Variants in DMD observed in about 807,000 individuals in gnomAD.
DMD encodes mutant dystrophin.
Under a neutral mutation model 330.1 loss-of-function variants are expected in DMD, and 63 were observed. The observed-to-expected ratio is 0.19, with a 90% CI of 0.16 to 0.24. DMD has a LOEUF of 0.24. Ranked by LOEUF, DMD falls within the 10% of genes least tolerant of loss-of-function variation. The pLI, the probability that DMD is intolerant of heterozygous loss-of-function variation, is 1.00. For synonymous variants in DMD, 1,223 were observed against 959.8 expected, an observed-to-expected ratio of 1.27 and a Z score of -5.07; for missense variants, 3,344 against 2,684.1, an observed-to-expected ratio of 1.25 and a Z score of -5.43.
At chrX:32,819,151 C>T (rs2078013921) in intron 5 of DMD, among the ~76,000 whole-genome samples, 1 of 109,368 alleles carries the variant, frequency 9.1e-6, no homozygotes, top group African/African-American at 3.3e-5. Flanking sequence ...TAGGAATAAT[C>T]TTATATGGTA....
rs190079233 is a variant in DMD, at chrX:32,081,899, A to T, written c.6439-113385T>A. Among the ~76,000 whole-genome samples, 66 of 111,126 alleles carry T rather than the reference A, an allele frequency of 5.9e-4. 1 individual carries two copies. Among genetic ancestry groups the T allele is most frequent in the African/African-American group, 2.0e-3 (60 of 30,581 alleles). On this transcript the variant is annotated intron_variant, in intron 44 of 78. Coordinates refer to ENST00000357033, the MANE Select transcript of DMD (RefSeq NM_004006.3). ...AATAACAACAAATAAAGTAAAAATA[A>T]AAATGTTTTAGAGTCTGTTTCCCAG... is the stretch of plus-strand genomic sequence containing the variant.
At chrX:32,843,335 T>C (rs1281375021) in intron 4 of DMD, among the ~76,000 whole-genome samples, 1 of 112,377 alleles carries the variant, frequency 8.9e-6, no homozygotes, top group Non-Finnish European at 1.9e-5. Context: ...ATTCTCATAA[T>C]GTCAATGACA....
At position 31,886,539 on chromosome X, in the gene DMD, C is replaced by T. The variant is rs141671659; in HGVS notation, c.6913-11166G>A. On this transcript the variant is annotated intron_variant, in intron 47 of 78. Coordinates refer to ENST00000357033, the MANE Select transcript of DMD (RefSeq NM_004006.3). Reference sequence around the variant, plus strand: ...GAACTATAACTGACCTATGTATAGGCCTATTAAAATTGTTTGACTTCACTA... The same window carrying T: ...GAACTATAACTGACCTATGTATAGGTCTATTAAAATTGTTTGACTTCACTA... Among the ~76,000 whole-genome samples the T allele has an allele frequency of 3.5e-3, 396 of 111,666 alleles. 2 individuals carry two copies. The highest frequency in any genetic ancestry group is 0.012 in the African/African-American group (370 of 30,838).
intron 44 of DMD, among the ~76,000 whole-genome samples, chrX:32,167,314 G>A (rs1214897913): frequency 8.9e-6 from 1 of 112,406 alleles, no homozygotes; most frequent in African/African-American, 3.2e-5. Context: ...ATTTACCTGA[G>A]AAAGGCAATA....
chrX:31,611,564 C>T (rs925160836), intron 55 of DMD, among the ~76,000 whole-genome samples: 4 of 111,849 alleles, frequency 3.6e-5, no homozygotes, highest in Admixed American at 9.5e-5. Context: ...ATATACACAA[C>T]ATAAAATTGA....
chrX:31,530,056 T>C (rs1421752806), intron 55 of DMD, among the ~76,000 whole-genome samples: 1 of 112,044 alleles, frequency 8.9e-6, no homozygotes, highest in Admixed American at 9.4e-5. Flanking sequence ...AAATTTTCCT[T>C]TACGGAGAAA....
intron 7 of DMD, among the ~76,000 whole-genome samples, chrX:32,738,210 G>C (rs996888385): frequency 9.0e-6 from 1 of 111,731 alleles, no homozygotes; most frequent in Non-Finnish European, 1.9e-5. Flanking sequence ...CGTAGGCACA[G>C]GAATAAAACT....
chrX:32,784,341 G>A lies in DMD; in HGVS notation c.649+25152C>T, dbSNP rs899910997. On this transcript the variant is annotated intron_variant, in intron 7 of 78. Coordinates refer to ENST00000357033, the MANE Select transcript of DMD (RefSeq NM_004006.3). ...TGTTGGAGGTGATTAATTGCACTGA[G>A]TTTCACTTGTAAAAATCCATTGCTC... Among the ~76,000 whole-genome samples the A allele has an allele frequency of 4.5e-5, 5 of 111,784 alleles. No homozygotes were observed. In the Admixed American group the frequency reaches 4.8e-4, roughly 11 times the overall value.
intron 44 of DMD, among the ~76,000 whole-genome samples, chrX:32,056,925 C>A (rs953589468): frequency 7.2e-5 from 8 of 110,820 alleles, no homozygotes; most frequent in African/African-American, 2.6e-4. Context: ...TACACGAGAG[C>A]CATATAGGAT....
At chrX:31,302,675 T>C (rs149980926) in intron 62 of DMD, among the ~76,000 whole-genome samples, 2,124 of 110,454 alleles carry the variant, frequency 0.019, 50 homozygotes, top group African/African-American at 0.067. Flanking sequence ...AAAAATGCAA[T>C]TGCAATACAA....
intron 7 of DMD, among the ~76,000 whole-genome samples, chrX:32,776,283 C>CCA (rs754199618): frequency 4.6e-4 from 22 of 48,350 alleles, no homozygotes; most frequent in Non-Finnish European, 7.8e-4. Context: ...CTTCTTCTGA[C>CCA]CCCCCCCCCA....
At chrX:32,701,404 GAACT>G (rs1181985843) in intron 7 of DMD, among the ~76,000 whole-genome samples, 1 of 111,859 alleles carries the variant, frequency 8.9e-6, no homozygotes, top group African/African-American at 3.2e-5. Flanking sequence ...TTTTAAAGAA[GAACT>G]AAATAATATT....
In DMD at chrX:32,651,385, C is replaced by T. The variant is rs556656001; in HGVS notation, c.961-6233G>A. Among the ~76,000 whole-genome samples the T allele has an allele frequency of 7.2e-5, 8 of 111,533 alleles. No homozygotes were observed. The East Asian group carries it at 1.7e-3, about 24-fold the overall frequency. ...CTCAAACTCCTGACCTCAGGTCATC[C>T]GCCCACCTCAGCCTCCCAAAGTGCT... is the stretch of plus-strand genomic sequence containing the variant. On this transcript the variant is annotated intron_variant, in intron 9 of 78. Transcript: ENST00000357033.
At chrX:31,966,571 A>G (rs1432885498) in intron 45 of DMD, among the ~76,000 whole-genome samples, 3 of 111,096 alleles carry the variant, frequency 2.7e-5, no homozygotes, top group Non-Finnish European at 5.7e-5. Flanking sequence ...TATTTAATGT[A>G]GGTCAACATG....
intron 48 of DMD, among the ~76,000 whole-genome samples, chrX:31,869,737 A>G (rs1479775586): frequency 9.0e-6 from 1 of 110,506 alleles, no homozygotes; most frequent in Non-Finnish European, 1.9e-5. Flanking sequence ...AATTATGTAT[A>G]GACAACTTTC....
chrX:31,659,818 C>T (rs1179776689), intron 53 of DMD, among the ~76,000 whole-genome samples: 4 of 110,790 alleles, frequency 3.6e-5, no homozygotes, highest in Non-Finnish European at 5.7e-5. Flanking sequence ...TTTAACTACA[C>T]TGTGTTTATC....
chrX:31,477,519 A>G (rs944937866), intron 59 of DMD, among the ~76,000 whole-genome samples: 4 of 111,657 alleles, frequency 3.6e-5, no homozygotes, highest in African/African-American at 1.3e-4. Context: ...TCTTTGTGCC[A>G]CAAGGGAATT....
chrX:32,164,154 T>C (rs780548703), intron 44 of DMD, among the ~76,000 whole-genome samples: 17 of 111,211 alleles, frequency 1.5e-4, no homozygotes, highest in Non-Finnish European at 3.2e-4. Context: ...AGCAGATCGC[T>C]TGAGCGCAGG....
chrX:32,043,567 A>G (rs2096029672), intron 44 of DMD, among the ~76,000 whole-genome samples: 1 of 112,387 alleles, frequency 8.9e-6, no homozygotes, highest in Admixed American at 9.4e-5. Flanking sequence ...ATTAAAATAG[A>G]AAGAAAAATA....
Sources: allele counts gnomAD v4.1 joint callset (sites outside exome capture counted in the v4.1 genomes callset), GRCh38; gene constraint gnomAD v4.1.1; transcripts MANE v1.5; gene names NCBI Gene and HGNC (gene_info 2026-07-23, HGNC 2026-07-21).